The following PRH1 variants were observed in gnomAD, a reference collection of about 807,000 sequenced individuals.
PRH1 encodes salivary acidic proline-rich phosphoprotein 1/2.
PRH1 carries 7 observed loss-of-function variants against 7.9 expected under a neutral mutation model. The ratio of observed to expected loss-of-function variants is 0.89; its 90% CI spans 0.50 to 1.67. The LOEUF (loss-of-function observed/expected upper bound fraction) is 1.67, where lower values mean the gene tolerates loss of function less well. PRH1 is among the 40% of genes most tolerant of loss of function. The pLI, the probability that PRH1 is intolerant of heterozygous loss-of-function variation, is 0.00. For synonymous variants in PRH1, 45 were observed against 80.8 expected, an observed-to-expected ratio of 0.56 and a Z score of 2.38; for missense variants, 109 against 223.6, an observed-to-expected ratio of 0.49 and a Z score of 3.27.
chr12:10,950,121 G>A (rs1033917472), intron 2 of PRH1, among the ~76,000 whole-genome samples: 2 of 151,942 alleles, frequency 1.3e-5, no homozygotes, highest in Admixed American at 6.6e-5. Context: ...GTACTCTACC[G>A]CATAAGTATG....
intron 1 of PRH1, chr12:11,133,242 T>C (rs1946426057): frequency 6.5e-7 from 1 of 1,544,844 alleles, no homozygotes; most frequent in Non-Finnish European, 8.7e-7. Flanking sequence ...GAAAACCCAG[T>C]AAGAAATATA....
intron 1 of PRH1, among the ~76,000 whole-genome samples, chr12:11,072,172 A>T (rs1345914673): frequency 6.6e-6 from 1 of 152,132 alleles, no homozygotes; most frequent in Non-Finnish European, 1.5e-5. Context: ...GTTTTTGTAG[A>T]GACAAGCTCT....
chr12:11,130,902 G>A (rs1197132254), intron 1 of PRH1, among the ~76,000 whole-genome samples: 1 of 149,092 alleles, frequency 6.7e-6, no homozygotes, highest in South Asian at 2.2e-4. Flanking sequence ...GTATGAGCAC[G>A]TCTCAGTGGC....
chr12:11,008,139 T>C (rs553656383), intron 1 of PRH1, among the ~76,000 whole-genome samples: 1 of 151,954 alleles, frequency 6.6e-6, no homozygotes, highest in East Asian at 1.9e-4. Flanking sequence ...TACGGAAAAA[T>C]ACGGGGTTGG....
chr12:10,957,686 A>C (rs1220713692), intron 2 of PRH1, among the ~76,000 whole-genome samples: 2 of 152,150 alleles, frequency 1.3e-5, no homozygotes, highest in Admixed American at 6.5e-5. Context: ...AAGGCGTAAT[A>C]TCCGGAACAT....
chr12:10,920,781 C>T (rs1370091040), intron 2 of PRH1, among the ~76,000 whole-genome samples: 1 of 151,932 alleles, frequency 6.6e-6, no homozygotes, highest in East Asian at 1.9e-4. Context: ...ACGAAATTGT[C>T]AATAAACAAG....
intron 2 of PRH1, among the ~76,000 whole-genome samples, chr12:10,907,524 T>C (rs1167145043): frequency 6.6e-6 from 1 of 152,006 alleles, no homozygotes; most frequent in Non-Finnish European, 1.5e-5. Flanking sequence ...TGTGTGTGTG[T>C]GTGTGTGTAT....
chr12:10,887,425 C>A (rs1949508678), upstream of PRH1, among the ~76,000 whole-genome samples: 1 of 151,916 alleles, frequency 6.6e-6, no homozygotes, highest in Non-Finnish European at 1.5e-5. Context: ...TTTGGTGACA[C>A]TATTATGGCC....
At chr12:10,943,811 A>G (rs548189146) in intron 2 of PRH1, among the ~76,000 whole-genome samples, 83 of 152,274 alleles carry the variant, frequency 5.5e-4, no homozygotes, top group African/African-American at 1.9e-3. Context: ...TCCCAGTGCT[A>G]TTTATTAAAT....
chr12:10,942,378 C>T (rs1950416144), intron 2 of PRH1, among the ~76,000 whole-genome samples: 1 of 152,102 alleles, frequency 6.6e-6, no homozygotes, highest in Non-Finnish European at 1.5e-5. Context: ...CAGACTCACT[C>T]TCTCCTGCTG....
intron 1 of PRH1, chr12:10,973,790 G>T: frequency 1.4e-6 from 1 of 731,106 alleles, no homozygotes; most frequent in South Asian, 1.5e-5. Context: ...AAACAAGGAG[G>T]GCCAGCTAAA....
chr12:10,988,981 T>C (rs1939791741), intron 1 of PRH1, among the ~76,000 whole-genome samples: 1 of 152,170 alleles, frequency 6.6e-6, no homozygotes, highest in African/African-American at 2.4e-5. Context: ...TAACTTTTTG[T>C]ATTTTTAGTA....
At position 11,168,297 on chromosome 12, in the gene PRH1, AAAG is replaced by A. The variant is rs1947679028; in HGVS notation, n.39+3122_39+3124del. On this transcript the variant is annotated intron_variant and non_coding_transcript_variant, in intron 1 of 1. Transcript: ENST00000541175. ...GAAAGAAAGAAAGAAAGAAAGAAAG[AAAG>A]AAGGAAGGAAGGAAGGAAGGAAGGA... is the stretch of plus-strand genomic sequence containing the variant. 9.0e-4 allele frequency among the ~76,000 whole-genome samples: 45 copies of A among 50,264 alleles called. 10 individuals are homozygous for A. The highest frequency in any genetic ancestry group is 1.5e-3 in the Non-Finnish European group (30 of 19,936). 33.0% of individuals were successfully genotyped at this position (50,264 alleles called of 152,430 possible). A position where few individuals can be genotyped will look rare whatever the true frequency, so the allele number is the denominator to read the frequency against.
At chr12:11,153,460 A>T (rs1947163505) in intron 1 of PRH1, among the ~76,000 whole-genome samples, 1 of 152,224 alleles carries the variant, frequency 6.6e-6, no homozygotes, top group Non-Finnish European at 1.5e-5. Flanking sequence ...ATAGGAACTT[A>T]AAAATTGGGG....
At chr12:10,971,800 C>T (rs550913291) in intron 2 of PRH1, among the ~76,000 whole-genome samples, 1 of 151,878 alleles carries the variant, frequency 6.6e-6, no homozygotes, top group South Asian at 2.1e-4. Context: ...TTTTATAATT[C>T]TTTTTCTATT....
rs546066515 is a variant in PRH1 at position 10,903,931 on chromosome 12, CAA to C, written c.-58-19658_-58-19657del. Among the ~76,000 whole-genome samples, 285 of 31,106 alleles carry C rather than the reference CAA, an allele frequency of 9.2e-3. 1 individual carries two copies. In the East Asian group the frequency reaches 0.096, roughly 10 times the overall value. The allele number at this position is 31,106 out of a possible 152,430, so 20.4% of individuals were successfully genotyped here. On this transcript the variant is annotated intron_variant, in intron 2 of 3. Coordinates refer to the PRH1 transcript ENST00000539853. ...AATGCAATCCCATTTACAATAGCCT[CAA>C]AAAAAAAAAAAAAAAAAAAAACAAC...
rs146662330 is a variant in PRH1 at position 11,144,550 on chromosome 12, C to A, written n.40-23370G>T. Among the ~76,000 whole-genome samples, 830 of 152,308 alleles carry A rather than the reference C, an allele frequency of 5.4e-3. 5 individuals are homozygous for A. The highest frequency in any genetic ancestry group is 0.017 in the Middle Eastern group (5 of 294). ...GCCATGAGAGAAAAGGGCTTTAGTTCTTCCCCAGCCTGTGACGTCTGCATG... is the reference window on the plus strand; with the variant it reads ...GCCATGAGAGAAAAGGGCTTTAGTTATTCCCCAGCCTGTGACGTCTGCATG... On this transcript the variant is annotated intron_variant and non_coding_transcript_variant, in intron 1 of 1. Coordinates refer to the PRH1 transcript ENST00000541175.
intron 1 of PRH1, among the ~76,000 whole-genome samples, chr12:11,136,822 A>C (rs1046551960): frequency 2.6e-4 from 40 of 152,178 alleles, no homozygotes; most frequent in Non-Finnish European, 5.1e-4. Context: ...GGAGTTCAAG[A>C]CCAGCCTGTG....
At chr12:11,110,178 C>G (rs1380437244) in intron 1 of PRH1, among the ~76,000 whole-genome samples, 1 of 151,954 alleles carries the variant, frequency 6.6e-6, no homozygotes, top group African/African-American at 2.4e-5. Context: ...GTGAAAAGAC[C>G]AAACCTATGA....
Sources: allele counts gnomAD v4.1 joint callset (sites outside exome capture counted in the v4.1 genomes callset), GRCh38; gene constraint gnomAD v4.1.1; transcripts MANE v1.5; gene names NCBI Gene and HGNC (gene_info 2026-07-23, HGNC 2026-07-21).